The following ANTXR2 variants were observed in gnomAD, a reference collection of about 807,000 sequenced individuals.
ANTXR2 encodes anthrax toxin receptor 2.
A neutral mutation model predicts 73.7 loss-of-function variants in ANTXR2; 44 were observed. The observed-to-expected ratio is 0.60, with a 90% CI of 0.47 to 0.77. The LOEUF (loss-of-function observed/expected upper bound fraction) is 0.77. Among genes scored for constraint, ANTXR2 ranks in the 30% least tolerant of loss-of-function variants. The pLI is 0.00. For missense variants in ANTXR2, 604 were observed against 592.5 expected (o/e 1.02, Z -0.20); for synonymous variants, 217 against 205.9 (o/e 1.05, Z -0.46).
rs1375942452 is a variant in ANTXR2, at chr4:79,902,577, T to C, written c.*4852A>G. 2 of 152,178 alleles carry C rather than the reference T, an allele frequency of 1.3e-5. No individual in the cohort carries two copies. The highest frequency in any genetic ancestry group is 2.9e-5 in the Non-Finnish European group (2 of 68,032). 9.4% of individuals were successfully genotyped at this position (152,178 alleles called of 1,614,324 possible). A position where few individuals can be genotyped will look rare whatever the true frequency, so the allele number is the denominator to read the frequency against. ...CTAACCCTATGAAACCAGAGTGAAG[T>C]ACATGCATACATTTCCCAATGTTTT... On this transcript the variant is annotated 3_prime_UTR_variant, in exon 17 of 17. Transcript: ENST00000403729.
intron 7 of ANTXR2, among the ~76,000 whole-genome samples, chr4:80,044,931 G>C (rs1733445897): frequency 6.6e-6 from 1 of 151,540 alleles, no homozygotes; most frequent in African/African-American, 2.4e-5. Flanking sequence ...AAGAAGCATG[G>C]CCATTATGAC....
At chr4:79,962,451 G>C (rs1192013236) in intron 16 of ANTXR2, among the ~76,000 whole-genome samples, 1 of 152,028 alleles carries the variant, frequency 6.6e-6, no homozygotes, top group Non-Finnish European at 1.5e-5. Flanking sequence ...CGCCCTGAAA[G>C]GTAAAGGCCA....
chr4:80,014,750 T>C (rs1731760643), intron 11 of ANTXR2, among the ~76,000 whole-genome samples: 1 of 152,152 alleles, frequency 6.6e-6, no homozygotes, highest in Non-Finnish European at 1.5e-5. Flanking sequence ...AGTGCCCCTA[T>C]CACACGGTCT....
intron 12 of ANTXR2, among the ~76,000 whole-genome samples, chr4:79,994,104 T>C (rs924563873): frequency 6.6e-6 from 1 of 152,074 alleles, no homozygotes; most frequent in African/African-American, 2.4e-5. Flanking sequence ...AATAATACAT[T>C]CACAAAATTT....
intron 10 of ANTXR2, among the ~76,000 whole-genome samples, chr4:80,019,779 G>T (rs1374818462): frequency 6.6e-6 from 1 of 152,080 alleles, no homozygotes; most frequent in African/African-American, 2.4e-5. Flanking sequence ...AAAATATCCC[G>T]ACAAAGGTAC....
At position 80,008,497 on chromosome 4, in the gene ANTXR2, G is replaced by A. The variant is rs539772467; in HGVS notation, c.1041+24C>T. The A allele has an allele frequency of 1.5e-4, 239 of 1,548,140 alleles. 3 individuals carry two copies. In the South Asian group the frequency reaches 2.7e-3, roughly 17 times the overall value. On this transcript the variant is annotated intron_variant, in intron 12 of 16. Transcript: ENST00000403729. ...ACATCTTTCTAATTTTTTTTAAGTA[G>A]AGTTGTAAATCCTTCTTACTCACCA...
rs903640467 is a variant in ANTXR2, at chr4:79,977,569, T to C, written c.1428+52A>G. 1.9e-6 allele frequency: 3 copies of C among 1,546,294 alleles called. No individual in the cohort carries two copies. The African/African-American group carries it at 4.1e-5, about 21-fold the overall frequency. On this transcript the variant is annotated intron_variant, in intron 16 of 16. Coordinates refer to ENST00000403729, the MANE Select transcript of ANTXR2 (RefSeq NM_058172.6). ...TTTTATTACTATTTCCCTGCCTCCA[T>C]TATACTGACTCAAGCAGTTAGCTCT... is the stretch of plus-strand genomic sequence containing the variant.
rs1389548387 is a variant in ANTXR2 at position 80,053,306 on chromosome 4, C to T, written c.636+966G>A. Among the ~76,000 whole-genome samples, 5 of 151,784 alleles carry T rather than the reference C, an allele frequency of 3.3e-5. No individual in the cohort carries two copies. In the East Asian group the frequency reaches 5.8e-4, roughly 18 times the overall value. The stretch of plus-strand genomic sequence containing the variant: ...ATAATTGAATCTCTGTTCCATTCTG[C>T]ACTTACATTTGGTTTGTCCACTAGA... On this transcript the variant is annotated intron_variant, in intron 7 of 16. Transcript: ENST00000403729.
rs542507116 is a variant in ANTXR2, at chr4:80,011,961, T to C, written c.946-3345A>G. Among the ~76,000 whole-genome samples the C allele has an allele frequency of 1.3e-4, 20 of 152,346 alleles. No individual in the cohort carries two copies. In the South Asian group the frequency reaches 4.1e-3, roughly 32 times the overall value. The stretch of plus-strand genomic sequence containing the variant: ...ATAAAAAACTTTATTCTGCCAAATA[T>C]AACTAAAATTCTAGTGAAGAGAATC... On this transcript the variant is annotated intron_variant, in intron 11 of 16. Coordinates refer to ENST00000403729, the MANE Select transcript of ANTXR2 (RefSeq NM_058172.6).
At chr4:80,054,163 C>A in intron 7 of ANTXR2, 109 bp downstream of exon 7, 1 of 804,918 alleles carries the variant, frequency 1.2e-6, no homozygotes, top group Admixed American at 3.3e-5. Context: ...CTTCCTTAAT[C>A]TCTTTCCTCT....
chr4:80,019,732 A>G (rs1372837237), intron 10 of ANTXR2, among the ~76,000 whole-genome samples: 3 of 152,222 alleles, frequency 2.0e-5, no homozygotes, highest in African/African-American at 7.2e-5. Flanking sequence ...AGAAAGATTT[A>G]TTTGCAGGTA....
At chr4:80,023,500 A>G (rs1732273385) in intron 10 of ANTXR2, among the ~76,000 whole-genome samples, 1 of 152,228 alleles carries the variant, frequency 6.6e-6, no homozygotes, top group Admixed American at 6.5e-5. Context: ...ACAAATTACA[A>G]TGTAAATAAA....
At chr4:79,988,077 A>G (rs906448361) in intron 12 of ANTXR2, among the ~76,000 whole-genome samples, 1 of 151,922 alleles carries the variant, frequency 6.6e-6, no homozygotes, top group Non-Finnish European at 1.5e-5. Context: ...CAACTAGCTA[A>G]GAACATGACA....
intron 12 of ANTXR2, among the ~76,000 whole-genome samples, chr4:79,991,751 C>T (rs66637208): frequency 0.068 from 10,395 of 152,046 alleles, 444 homozygotes; most frequent in Middle Eastern, 0.11. Context: ...TACAGATACA[C>T]CAGTGAATAC....
chr4:79,981,362 CTT>C (rs1304070641), intron 14 of ANTXR2, among the ~76,000 whole-genome samples: 1 of 152,084 alleles, frequency 6.6e-6, no homozygotes, highest in East Asian at 1.9e-4. Flanking sequence ...ACAGTTGACA[CTT>C]TGTTTCATGC....
chr4:80,061,459 T>G (rs1449285467), intron 3 of ANTXR2, among the ~76,000 whole-genome samples: 2 of 152,256 alleles, frequency 1.3e-5, no homozygotes, highest in African/African-American at 4.8e-5. Context: ...TTACTCTCAA[T>G]AGATTATTAG....
chr4:79,919,918 TATAA>T (rs1334667313), intron 16 of ANTXR2, among the ~76,000 whole-genome samples: 1,765 of 15,258 alleles, frequency 0.12, 137 homozygotes, highest in Non-Finnish European at 0.15. Flanking sequence ...TATATATATA[TATAA>T]AAAATGATAG....
chr4:80,032,654 AT>A (rs1222689554), intron 9 of ANTXR2, among the ~76,000 whole-genome samples: 2 of 151,914 alleles, frequency 1.3e-5, no homozygotes, highest in Non-Finnish European at 2.9e-5. Flanking sequence ...ATCTAAAAAA[AT>A]AACTCTACCA....
intron 16 of ANTXR2, among the ~76,000 whole-genome samples, chr4:79,947,865 A>AT (rs1259295303): frequency 6.6e-6 from 1 of 152,114 alleles, no homozygotes; most frequent in Non-Finnish European, 1.5e-5. Context: ...GTAAAAACAG[A>AT]TTTTGGCCCT....
Sources: allele counts gnomAD v4.1 joint callset (sites outside exome capture counted in the v4.1 genomes callset), GRCh38; gene constraint gnomAD v4.1.1; transcripts MANE v1.5; gene names NCBI Gene and HGNC (gene_info 2026-07-23, HGNC 2026-07-21).